Variants in TRAP1 observed in about 807,000 individuals in gnomAD.
The protein encoded by TRAP1 is TNF receptor associated protein 1, also known as heat shock protein 75 kDa, mitochondrial.
In TRAP1, 102 loss-of-function variants were observed where a neutral mutation model predicts 89.1. That is an observed-to-expected ratio of 1.15 (90% CI 0.98 to 1.35). The LOEUF (loss-of-function observed/expected upper bound fraction) is 1.35. Ranked by LOEUF, TRAP1 falls within the 40% of genes most tolerant of loss-of-function variation. The pLI is 0.00. For synonymous variants in TRAP1, 508 were observed against 388.0 expected, an observed-to-expected ratio of 1.31 and a Z score of -3.64; for missense variants, 1,256 against 945.3, an observed-to-expected ratio of 1.33 and a Z score of -4.31.
intron 12 of TRAP1, chr16:3,664,782 G>A: frequency 3.4e-6 from 1 of 291,130 alleles, no homozygotes; most frequent in Non-Finnish European, 6.4e-6. Flanking sequence ...TCTTCCCTCT[G>A]CCCTCAGTGA....
chr16:3,710,879 A>ATATATATATTTTTT (rs71133652), intron 1 of TRAP1, among the ~76,000 whole-genome samples: 163 of 125,760 alleles, frequency 1.3e-3, no homozygotes, highest in South Asian at 1.5e-3. Context: ...ATATATATAT[A>ATATATATATTTTTT]TTTTTTTTTT....
intron 10 of TRAP1, among the ~76,000 whole-genome samples, chr16:3,672,427 C>T (rs925653985): frequency 2.0e-5 from 3 of 152,140 alleles, no homozygotes; most frequent in Admixed American, 6.5e-5. Context: ...TCAAACGTAA[C>T]ACAACTCACA....
intron 7 of TRAP1, 147 bp downstream of exon 7, chr16:3,675,889 C>G (rs540982238): frequency 7.2e-6 from 5 of 694,024 alleles, no homozygotes; most frequent in South Asian, 6.0e-5. Context: ...GGGCAGCCCC[C>G]CTCCCAGTCC....
Position 3,686,154 on chromosome 16 carries a change from G to T in TRAP1, c.331-18C>A, listed in dbSNP as rs145536638. 253 of 1,612,678 alleles carry T rather than the reference G, an allele frequency of 1.6e-4. No individual in the cohort carries two copies. In the African/African-American group the frequency reaches 2.7e-3, roughly 17 times the overall value. On this transcript the variant is annotated intron_variant, in intron 3 of 17. Coordinates refer to ENST00000246957, the MANE Select transcript of TRAP1 (RefSeq NM_016292.3). The stretch of plus-strand genomic sequence containing the variant: ...ATAAACACCTACAGGAATAGAAATG[G>T]GAGGCACAGACAATGAAGGACACTC...
chr16:3,663,055 ACCT>A lies in TRAP1; in HGVS notation c.1709-91_1709-89del, dbSNP rs570548394. On this transcript the variant is annotated intron_variant, in intron 14 of 17. Transcript: ENST00000246957. Reference sequence around the variant, plus strand: ...GCCACGCAGCATGCTTCCAGCTCCCACCTCCTCTCCCACCAGGATGGAGACACA... The same window carrying A: ...GCCACGCAGCATGCTTCCAGCTCCCACCTCTCCCACCAGGATGGAGACACA... 356 of 1,001,646 alleles carry A rather than the reference ACCT, an allele frequency of 3.6e-4. 4 individuals carry two copies. In the South Asian group the frequency reaches 4.4e-3, roughly 12 times the overall value. The allele number at this position is 1,001,646 out of a possible 1,614,324, so 62.0% of individuals were successfully genotyped here.
At chr16:3,659,753 A>ATAGAT (rs1555461121) in intron 16 of TRAP1, 2 of 54,328 alleles carry the variant, frequency 3.7e-5, no homozygotes, top group Non-Finnish European at 6.4e-5. Context: ...TTTTTTTTAG[A>ATAGAT]TAGATAGATA....
chr16:3,661,960 C>A, intron 16 of TRAP1, 27 bp downstream of exon 16: 1 of 1,572,304 alleles, frequency 6.4e-7, no homozygotes. Context: ...ATCCCACAGG[C>A]TGGAAGAGCC....
Position 3,659,165 on chromosome 16 carries a change from TAAAAG to T in TRAP1, c.1941-305_1941-301del, listed in dbSNP as rs1376840985. 8.6e-5 allele frequency: 26 copies of T among 303,390 alleles called. No homozygotes were observed. The East Asian group carries it at 9.1e-4, about 11-fold the overall frequency. 18.8% of individuals were successfully genotyped at this position (303,390 alleles called of 1,614,324 possible). A position where few individuals can be genotyped will look rare whatever the true frequency, so the allele number is the denominator to read the frequency against. The stretch of plus-strand genomic sequence containing the variant: ...CATGCCTTGGTTCCTAGATAAATAA[TAAAAG>T]AGAAGGGAGTAAGACCCACATGTTG... On this transcript the variant is annotated intron_variant, in intron 16 of 17. Transcript: ENST00000246957.
chr16:3,677,867 C>T, intron 5 of TRAP1: 1 of 577,772 alleles, frequency 1.7e-6, no homozygotes, highest in Non-Finnish European at 3.0e-6. Context: ...AGCAGTGGGA[C>T]AAGTGTGTTT....
chr16:3,663,668 TG>T, intron 13 of TRAP1, 106 bp from the exon 14 acceptor site: 1 of 1,456,876 alleles, frequency 6.9e-7, no homozygotes, highest in Non-Finnish European at 9.3e-7. Flanking sequence ...CGGGCCACAC[TG>T]GGGAACACCG....
chr16:3,682,372 A>C (rs1259303404), intron 4 of TRAP1, among the ~76,000 whole-genome samples: 1 of 149,758 alleles, frequency 6.7e-6, no homozygotes, highest in Non-Finnish European at 1.5e-5. Flanking sequence ...GCCACAAAGC[A>C]AGACCCTGCC....
At chr16:3,685,975 C>T in intron 4 of TRAP1, 21 bp downstream of exon 4, 1 of 1,612,250 alleles carries the variant, frequency 6.2e-7, no homozygotes, top group Non-Finnish European at 8.5e-7. Context: ...CTGCCACACG[C>T]CTGGACACTG....
chr16:3,704,466 T>C (rs976061704), intron 1 of TRAP1: 5 of 152,232 alleles, frequency 3.3e-5, no homozygotes, highest in Admixed American at 3.3e-4. Flanking sequence ...GAAAAGTTAG[T>C]GTACATAAAT....
chr16:3,716,015 A>G (rs1004173524), intron 1 of TRAP1, among the ~76,000 whole-genome samples: 3 of 152,084 alleles, frequency 2.0e-5, no homozygotes, highest in Non-Finnish European at 4.4e-5. Flanking sequence ...GGCGCGCGCC[A>G]CCACACCCAG....
chr16:3,658,216 G>A lies in TRAP1; in HGVS notation c.2028C>T (p.Ala676=), dbSNP rs2042831444. Residue 676 remains alanine, a synonymous_variant, in exon 18 of 18, where the codon GCC becomes GCT. Transcript: ENST00000246957. The part of the protein sequence containing the change: ...QLLVDQIYEN[A]MIAAGLVDDP... ...CGTCAACAAGTCCAGCAGCAATCATGGCGTTCTCGTATATCTGAAAGGCAA... is the reference window on the plus strand; with the variant it reads ...CGTCAACAAGTCCAGCAGCAATCATAGCGTTCTCGTATATCTGAAAGGCAA... 2 of 1,613,800 alleles carry A rather than the reference G, an allele frequency of 1.2e-6. No individual in the cohort carries two copies. The highest frequency in any genetic ancestry group is 1.3e-5 in the African/African-American group (1 of 74,872).
At position 3,706,456 on chromosome 16, in the gene TRAP1, C is replaced by CTT. The variant is rs34658116; in HGVS notation, c.88+10963_88+10964dup. On this transcript the variant is annotated intron_variant, in intron 1 of 17. Coordinates refer to ENST00000246957, the MANE Select transcript of TRAP1 (RefSeq NM_016292.3). ...CCACCACTCCTGGCCTATTTGCACT[C>CTT]TTTTTTTTTTTTTTTTTTTTTTGAG... 5.9e-3 allele frequency among the ~76,000 whole-genome samples: 579 copies of CTT among 98,866 alleles called. 10 individuals are homozygous for CTT. The highest frequency in any genetic ancestry group is 0.015 in the African/African-American group (377 of 24,952). 64.9% of individuals were successfully genotyped at this position (98,866 alleles called of 152,430 possible). A position where few individuals can be genotyped will look rare whatever the true frequency, so the allele number is the denominator to read the frequency against.
In TRAP1 at chr16:3,676,364, C is replaced by T. The variant is rs1473536250; in HGVS notation, c.705-219G>A. The stretch of plus-strand genomic sequence containing the variant: ...GGCGGCAGAGTTCTCCTGGTTCCCT[C>T]GGGCGGGGGGCGGGGGGGCGGGGGT... On this transcript the variant is annotated intron_variant, in intron 6 of 17. Coordinates refer to ENST00000246957, the MANE Select transcript of TRAP1 (RefSeq NM_016292.3). 5 of 192,664 alleles carry T rather than the reference C, an allele frequency of 2.6e-5. No individual in the cohort carries two copies. In the East Asian group the frequency reaches 7.0e-4, roughly 27 times the overall value. The allele number at this position is 192,664 out of a possible 1,614,324, so 11.9% of individuals were successfully genotyped here.
chr16:3,714,938 A>G (rs2051578022), intron 1 of TRAP1, among the ~76,000 whole-genome samples: 2 of 152,198 alleles, frequency 1.3e-5, no homozygotes, highest in South Asian at 2.1e-4. Flanking sequence ...TGCACAAGAC[A>G]TGTATTTTCT....
At chr16:3,672,930 C>T in intron 9 of TRAP1, 110 bp from the exon 10 acceptor site, 1 of 1,430,070 alleles carries the variant, frequency 7.0e-7, no homozygotes, top group Non-Finnish European at 9.2e-7. Context: ...CCGCCTCGCC[C>T]TCCCCCAGCG....
Sources: allele counts gnomAD v4.1 joint callset (sites outside exome capture counted in the v4.1 genomes callset), GRCh38; gene constraint gnomAD v4.1.1; transcripts MANE v1.5; gene names NCBI Gene and HGNC (gene_info 2026-07-23, HGNC 2026-07-21).